The following ZNF519 variants were observed in gnomAD, a reference collection of about 807,000 sequenced individuals.
ZNF519 encodes similar to Zinc finger protein 85 (Zinc finger protein HPF4) (HTF1).
Under a neutral mutation model 7.4 loss-of-function variants are expected in ZNF519, and 7 were observed. That is an observed-to-expected ratio of 0.94 (90% confidence interval 0.54 to 1.77). ZNF519 has a LOEUF of 1.77. Among genes scored for constraint, ZNF519 ranks in the 40% most tolerant of loss-of-function variants. ZNF519 has a pLI of 0.00. For synonymous variants in ZNF519, 179 were observed against 203.3 expected (o/e 0.88, Z 1.02); for missense variants, 586 against 623.1 (o/e 0.94, Z 0.63).
chr18:14,115,054 T>C (rs1047660854), intron 2 of ZNF519, among the ~76,000 whole-genome samples: 4 of 152,250 alleles, frequency 2.6e-5, no homozygotes, highest in Non-Finnish European at 5.9e-5. Flanking sequence ...AACACCACGT[T>C]GATCACATTG....
intron 2 of ZNF519, among the ~76,000 whole-genome samples, chr18:14,092,505 G>A (rs931149200): frequency 2.0e-5 from 3 of 152,126 alleles, no homozygotes; most frequent in Non-Finnish European, 2.9e-5. Context: ...CAGAGATGAC[G>A]TGCAAGGCCT....
At chr18:14,116,250 T>C (rs1348175117) in intron 2 of ZNF519, among the ~76,000 whole-genome samples, 1 of 152,196 alleles carries the variant, frequency 6.6e-6, no homozygotes, top group Non-Finnish European at 1.5e-5. Context: ...GTATCCCCAG[T>C]GATATTCAAA....
At chr18:14,093,601 T>G (rs2046122836) in intron 2 of ZNF519, among the ~76,000 whole-genome samples, 1 of 152,168 alleles carries the variant, frequency 6.6e-6, no homozygotes, top group African/African-American at 2.4e-5. Context: ...AAAGAACAAT[T>G]CACACATCTG....
chr18:14,123,920 CT>C (rs1467837903), intron 2 of ZNF519: 2 of 153,304 alleles, frequency 1.3e-5, no homozygotes, highest in African/African-American at 4.8e-5. Flanking sequence ...ACCTGTAATC[CT>C]AGCACTTTGG....
intron 2 of ZNF519, among the ~76,000 whole-genome samples, chr18:14,116,099 T>C (rs955516585): frequency 3.9e-5 from 6 of 152,302 alleles, no homozygotes; most frequent in African/African-American, 1.4e-4. Flanking sequence ...ATATAATGTA[T>C]CCTTTCTTAC....
intron 3 of ZNF519, among the ~76,000 whole-genome samples, chr18:14,084,648 G>A (rs1408234027): frequency 1.3e-5 from 2 of 151,966 alleles, no homozygotes; most frequent in Admixed American, 6.6e-5. Flanking sequence ...TCCCATTTCC[G>A]AGCCTTAGCC....
intron 2 of ZNF519, chr18:14,122,269 G>T (rs1306507557): frequency 1.3e-5 from 2 of 152,076 alleles, no homozygotes; most frequent in African/African-American, 4.8e-5. Context: ...TTAGAAAAAT[G>T]CTTATTGTTC....
At chr18:14,108,240 C>T (rs913083071) in intron 2 of ZNF519, among the ~76,000 whole-genome samples, 5 of 152,186 alleles carry the variant, frequency 3.3e-5, no homozygotes, top group East Asian at 1.9e-4. Context: ...ACTCGACCTT[C>T]GAGGAAAGGA....
At chr18:14,099,177 C>T (rs1598513056), downstream of ZNF519, among the ~76,000 whole-genome samples, 1 of 152,130 alleles carries the variant, frequency 6.6e-6, no homozygotes, top group African/African-American at 2.4e-5. Context: ...CCTGCTACTT[C>T]CCACCAACCT....
rs2046334890 is a variant in ZNF519 at position 14,132,286 on chromosome 18, T to G, written c.-9A>C. 6.2e-7 allele frequency: 1 copy of G among 1,613,724 alleles called. No individual in the cohort carries two copies. The highest frequency in any genetic ancestry group is 8.5e-7 in the Non-Finnish European group (1 of 1,179,878). The stretch of plus-strand genomic sequence containing the variant: ...CCCCCCACACTCACCATTTCTCGGC[T>G]TCAGGGGTGTCCTGGAGTCTTAGCT... On this transcript the variant is annotated 5_prime_UTR_variant, in exon 1 of 3. Transcript: ENST00000590202.
Position 14,105,866 on chromosome 18 carries a change from G to C in ZNF519, c.674C>G (p.Thr225Ser). The change falls in exon 3 of 3, where the codon ACT (threonine) becomes AGT (serine). Residue 225 changes from threonine to serine, a missense_variant. Physicochemically the swap from Thr to Ser is moderately conservative, Grantham distance 58 (BLOSUM62 1). Transcript: ENST00000590202. ...TCCAATATAAATTCTTTGATGTTGA[G>C]TAAGCTTTGAGAATGGGTCAGAAGT... The part of the protein sequence containing the change: ...GETSDPFSKL[T>S]QHQRIYIGES... The C allele has an allele frequency of 1.2e-6, 2 of 1,603,208 alleles. No individual in the cohort carries two copies. Among genetic ancestry groups the C allele is most frequent in the Non-Finnish European group, 1.7e-6 (2 of 1,177,272 alleles).
At chr18:14,098,430 G>A (rs1339705846), downstream of ZNF519, among the ~76,000 whole-genome samples, 4 of 152,208 alleles carry the variant, frequency 2.6e-5, no homozygotes, top group Admixed American at 6.5e-5. Context: ...AAAGTGCTGG[G>A]ATTATAGGCA....
At chr18:14,119,908 A>G (rs972921413) in intron 2 of ZNF519, among the ~76,000 whole-genome samples, 52 of 152,242 alleles carry the variant, frequency 3.4e-4, no homozygotes, top group African/African-American at 1.2e-3. Flanking sequence ...ACAGTAAGAT[A>G]TTGATGACAG....
downstream of ZNF519, among the ~76,000 whole-genome samples, chr18:14,098,770 G>A (rs1352329457): frequency 6.6e-6 from 1 of 152,096 alleles, no homozygotes; most frequent in Admixed American, 6.5e-5. Flanking sequence ...ATTTAACCTC[G>A]GGACCTATTT....
downstream of ZNF519, chr18:14,071,606 T>C (rs964495339): frequency 2.6e-5 from 4 of 152,124 alleles, no homozygotes; most frequent in Non-Finnish European, 4.4e-5. Context: ...CAATATCTAT[T>C]AACAACTAAA....
intron 3 of ZNF519, among the ~76,000 whole-genome samples, chr18:14,082,014 T>C (rs1026681218): frequency 6.6e-6 from 1 of 152,030 alleles, no homozygotes; most frequent in Non-Finnish European, 1.5e-5. Context: ...TAAAACACTG[T>C]AACTTTAGTC....
Position 14,113,881 on chromosome 18 carries a change from TC to T in ZNF519, c.131-7473del, listed in dbSNP as rs566416589. ...TCTCACTGTCATTTTGATTTGCATT[TC>T]TCTGATGACCACATGTTGAGCACCT... On this transcript the variant is annotated intron_variant, in intron 2 of 2. Coordinates refer to ENST00000590202, the MANE Select transcript of ZNF519 (RefSeq NM_145287.4). 3.5e-3 allele frequency among the ~76,000 whole-genome samples: 526 copies of T among 152,308 alleles called. 7 individuals are homozygous for T. Among genetic ancestry groups the T allele is most frequent in the African/African-American group, 0.012 (513 of 41,550 alleles).
exon 5 of ZNF519, chr18:14,077,253 C>T (rs960502180): frequency 6.6e-6 from 1 of 152,276 alleles, no homozygotes; most frequent in African/African-American, 2.4e-5. Flanking sequence ...CTGATTATTT[C>T]CTCCTTCCTG....
intron 3 of ZNF519, among the ~76,000 whole-genome samples, chr18:14,079,561 A>G (rs1426888715): frequency 6.6e-6 from 1 of 152,214 alleles, no homozygotes; most frequent in Non-Finnish European, 1.5e-5. Context: ...ATGAAATAAT[A>G]GACAAATCAA....
Sources: gnomAD v4.1 joint callset for allele counts (sites outside exome capture counted in the v4.1 genomes callset) on GRCh38, gnomAD v4.1.1 for gene constraint, MANE v1.5 for transcripts, NCBI Gene and HGNC (gene_info 2026-07-23, HGNC 2026-07-21) for gene names.